Variants in FOXN2 observed in about 807,000 individuals in gnomAD.
The protein encoded by FOXN2 is forkhead box N2, also known as forkhead box protein N2.
A neutral mutation model predicts 41.2 loss-of-function variants in FOXN2; 19 were observed. The observed-to-expected ratio is 0.46, with a 90% CI of 0.32 to 0.68. The LOEUF (loss-of-function observed/expected upper bound fraction) is 0.68. Ranked by LOEUF, FOXN2 falls within the 30% of genes least tolerant of loss-of-function variation. The pLI is 0.03. For synonymous variants in FOXN2, 195 were observed against 176.8 expected, an observed-to-expected ratio of 1.10 and a Z score of -0.82; for missense variants, 587 against 509.4, an observed-to-expected ratio of 1.15 and a Z score of -1.47.
intron 2 of FOXN2, among the ~76,000 whole-genome samples, chr2:48,340,435 A>T (rs1572725117): frequency 6.6e-6 from 1 of 152,300 alleles, no homozygotes; most frequent in East Asian, 1.9e-4. Flanking sequence ...CTAGAGTAGG[A>T]TATCACTATA....
At chr2:48,336,629 AAAAG>A (rs1163197179) in intron 2 of FOXN2, among the ~76,000 whole-genome samples, 2 of 152,064 alleles carry the variant, frequency 1.3e-5, no homozygotes, top group Non-Finnish European at 2.9e-5. Flanking sequence ...AGAAGGCAAA[AAAAG>A]AAAGAGAAAA....
intron 2 of FOXN2, among the ~76,000 whole-genome samples, chr2:48,343,510 A>G (rs1015402994): frequency 5.3e-5 from 8 of 152,132 alleles, no homozygotes; most frequent in Admixed American, 2.0e-4. Flanking sequence ...TGTAATCCCA[A>G]CACTTTGGGA....
intron 3 of FOXN2, among the ~76,000 whole-genome samples, chr2:48,349,523 C>G (rs1311473447): frequency 6.6e-6 from 1 of 152,160 alleles, no homozygotes; most frequent in Non-Finnish European, 1.5e-5. Flanking sequence ...CCTGTAATCC[C>G]AGCCCTTTGG....
At chr2:48,354,593 C>A (rs112839778) in intron 3 of FOXN2, among the ~76,000 whole-genome samples, 46 of 152,110 alleles carry the variant, frequency 3.0e-4, no homozygotes, top group Admixed American at 3.3e-4. Flanking sequence ...AGCGAGACTT[C>A]GTCTCAAAAA....
chr2:48,342,049 C>A (rs540671375), intron 2 of FOXN2, among the ~76,000 whole-genome samples: 1 of 152,038 alleles, frequency 6.6e-6, no homozygotes, highest in Admixed American at 6.6e-5. Context: ...TGTAGTACAG[C>A]CTTTTCTCCC....
At chr2:48,350,884 C>T (rs1023751674) in intron 3 of FOXN2, among the ~76,000 whole-genome samples, 1 of 152,162 alleles carries the variant, frequency 6.6e-6, no homozygotes, top group East Asian at 1.9e-4. Context: ...CATTCTTTTA[C>T]GACTGCCATC....
chr2:48,321,546 T>A (rs1179223989), intron 1 of FOXN2, among the ~76,000 whole-genome samples: 1 of 151,470 alleles, frequency 6.6e-6, no homozygotes, highest in Admixed American at 6.6e-5. Context: ...AAAAAAAAAA[T>A]TTTAGTACAT....
intron 4 of FOXN2, 98 bp from the exon 5 acceptor site, chr2:48,362,545 G>C: frequency 3.0e-6 from 3 of 995,964 alleles, no homozygotes; most frequent in Non-Finnish European, 4.6e-6. Context: ...CTCCAGCCTG[G>C]GCGGCCAGCA....
At chr2:48,353,231 T>C (rs1379870564) in intron 3 of FOXN2, among the ~76,000 whole-genome samples, 2 of 152,198 alleles carry the variant, frequency 1.3e-5, no homozygotes, top group East Asian at 3.8e-4. Flanking sequence ...CAGTTTTTTT[T>C]CTTCACTACT....
chr2:48,350,078 T>C (rs886611715), intron 3 of FOXN2, among the ~76,000 whole-genome samples: 1 of 152,208 alleles, frequency 6.6e-6, no homozygotes, highest in African/African-American at 2.4e-5. Flanking sequence ...TGAAGACAGA[T>C]GTACAGAATC....
intron 4 of FOXN2, 147 bp from the exon 5 acceptor site, chr2:48,362,496 A>C (rs567739157): frequency 7.6e-6 from 5 of 656,564 alleles, no homozygotes; most frequent in Middle Eastern, 4.2e-4. Context: ...CTGAGCTCAG[A>C]AAGTCAAGGC....
chr2:48,323,810 T>G (rs1669493829), intron 1 of FOXN2, among the ~76,000 whole-genome samples: 1 of 152,160 alleles, frequency 6.6e-6, no homozygotes, highest in Non-Finnish European at 1.5e-5. Context: ...AGGCCAATGT[T>G]CAGAAGAGTT....
intron 2 of FOXN2, among the ~76,000 whole-genome samples, chr2:48,338,657 C>G (rs939759253): frequency 1.3e-5 from 2 of 152,064 alleles, no homozygotes; most frequent in African/African-American, 2.4e-5. Flanking sequence ...CCTCTGCCTC[C>G]CAAAGTGCTG....
chr2:48,335,597 A>G (rs1670284628), intron 2 of FOXN2, among the ~76,000 whole-genome samples: 1 of 152,256 alleles, frequency 6.6e-6, no homozygotes, highest in South Asian at 2.1e-4. Context: ...TCAGTGACAG[A>G]CTATTTTTTA....
intron 2 of FOXN2, among the ~76,000 whole-genome samples, chr2:48,331,652 T>C (rs1306797669): frequency 6.6e-6 from 1 of 152,020 alleles, no homozygotes; most frequent in Non-Finnish European, 1.5e-5. Context: ...ACGCTGCCTC[T>C]ACAGAAATAA....
chr2:48,317,349 T>C (rs990089441), intron 1 of FOXN2, among the ~76,000 whole-genome samples: 1 of 151,824 alleles, frequency 6.6e-6, no homozygotes, highest in Non-Finnish European at 1.5e-5. Flanking sequence ...CTCGTGAGGC[T>C]GAGGCAGGAG....
intron 1 of FOXN2, among the ~76,000 whole-genome samples, chr2:48,322,609 T>G (rs1669405347): frequency 1.3e-5 from 2 of 151,892 alleles, no homozygotes; most frequent in Non-Finnish European, 2.9e-5. Context: ...CAATACATTT[T>G]TTTCGTAATC....
At chr2:48,331,982 G>A (rs557080561) in intron 2 of FOXN2, among the ~76,000 whole-genome samples, 19 of 151,948 alleles carry the variant, frequency 1.3e-4, no homozygotes, top group East Asian at 9.7e-4. Flanking sequence ...CAGATCTACC[G>A]CATTTGTTAA....
chr2:48,344,114 G>A (rs2104356319), intron 2 of FOXN2, among the ~76,000 whole-genome samples: 1 of 152,074 alleles, frequency 6.6e-6, no homozygotes, highest in Admixed American at 6.6e-5. Flanking sequence ...ATGTTTTTAA[G>A]TCTCTATGAA....
Sources: allele counts gnomAD v4.1 joint callset (sites outside exome capture counted in the v4.1 genomes callset), GRCh38; gene constraint gnomAD v4.1.1; transcripts MANE v1.5; gene names NCBI Gene and HGNC (gene_info 2026-07-23, HGNC 2026-07-21).